The following SLC19A3 variants were observed in gnomAD, a reference collection of about 807,000 sequenced individuals.
SLC19A3 encodes the protein solute carrier family 19 member 3.
In SLC19A3, 31 loss-of-function variants were observed where a neutral mutation model predicts 40.2. The observed-to-expected ratio is 0.77, with a 90% CI of 0.58 to 1.04. SLC19A3 has a LOEUF of 1.04. Ranked by LOEUF, SLC19A3 falls within the 50% of genes least tolerant of loss-of-function variation. The pLI, the probability that SLC19A3 is intolerant of heterozygous loss-of-function variation, is 0.00. For synonymous variants in SLC19A3, 212 were observed against 227.5 expected, an observed-to-expected ratio of 0.93 and a Z score of 0.61; for missense variants, 592 against 596.7, an observed-to-expected ratio of 0.99 and a Z score of 0.08.
intron 1 of SLC19A3, chr2:227,706,197 A>G (rs1040266282): frequency 1.6e-6 from 1 of 621,132 alleles, no homozygotes; most frequent in Non-Finnish European, 2.3e-6. Flanking sequence ...TTTTCCATTT[A>G]TCATTCCATT....
chr2:227,714,642 T>C, intron 1 of SLC19A3: 1 of 978,444 alleles, frequency 1.0e-6, no homozygotes. Flanking sequence ...CATCCACTTC[T>C]GGTGGCTTTA....
At chr2:227,690,723 A>G (rs1181667074) in intron 4 of SLC19A3, among the ~76,000 whole-genome samples, 1 of 150,544 alleles carries the variant, frequency 6.6e-6, no homozygotes, top group East Asian at 1.9e-4. Flanking sequence ...AAAAAAAAAA[A>G]AAAAAAAAAA....
chr2:227,711,818 G>A (rs892594902), intron 1 of SLC19A3, among the ~76,000 whole-genome samples: 4 of 152,004 alleles, frequency 2.6e-5, no homozygotes, highest in Admixed American at 1.3e-4. Context: ...GGGAGGCCGA[G>A]GTAGGTGGAT....
In SLC19A3 at chr2:227,706,205, A is replaced by G. The variant is rs889361838; in HGVS notation, c.-2-3885T>C. 3 of 668,600 alleles carry G rather than the reference A, an allele frequency of 4.5e-6. No individual in the cohort carries two copies. The African/African-American group carries it at 5.6e-5, about 13-fold the overall frequency. The allele number at this position is 668,600 out of a possible 1,614,324, so 41.4% of individuals were successfully genotyped here. On this transcript the variant is annotated intron_variant, in intron 1 of 5. Transcript: ENST00000644224. The stretch of plus-strand genomic sequence containing the variant: ...TTGTCTTTTTTCCATTTATCATTCC[A>G]TTTTGATCCCGTCATATTATCCGCC...
rs1272375245 is a variant in SLC19A3 at position 227,702,249 on chromosome 2, A to T, written c.70T>A (p.Phe24Ile). The stretch of plus-strand genomic sequence containing the variant: ...TCTGAGGGTCTCATCATGGAGAAAA[A>T]ACCAAATAAGCAGAGGATCACAGTG... ...YPTVILCLFGFFSMMRPSEPF... is the reference protein window; with the variant it reads ...YPTVILCLFGIFSMMRPSEPF... Residue 24 changes from phenylalanine (F) to isoleucine (I), a missense_variant, in exon 2 of 6, where the codon TTT (phenylalanine) becomes ATT (isoleucine). Physicochemically the swap from Phe to Ile is conservative, Grantham distance 21. Transcript: ENST00000644224. 1 of 1,614,060 alleles carries T rather than the reference A, an allele frequency of 6.2e-7. No individual in the cohort carries two copies. The highest frequency in any genetic ancestry group is 1.1e-5 in the South Asian group (1 of 91,076).
Position 227,687,164 on chromosome 2 carries a change from C to T in SLC19A3, c.*233G>A, listed in dbSNP as rs1295364351. 2.3e-6 allele frequency: 1 copy of T among 431,008 alleles called. No individual in the cohort carries two copies. The highest frequency in any genetic ancestry group is 4.1e-6 in the Non-Finnish European group (1 of 243,548). 26.7% of individuals were successfully genotyped at this position (431,008 alleles called of 1,614,324 possible). The stretch of plus-strand genomic sequence containing the variant: ...CCAGCTGCTACTAGTCACAGGGGGT[C>T]CCCAATATGGGTTGTTTAATTATGA... On this transcript the variant is annotated 3_prime_UTR_variant, in exon 6 of 6. Coordinates refer to ENST00000644224, the MANE Select transcript of SLC19A3 (RefSeq NM_025243.4).
Position 227,702,290 on chromosome 2 carries a change from C to G in SLC19A3, c.29G>C (p.Ser10Thr). 6.2e-7 allele frequency: 1 copy of G among 1,614,010 alleles called. No individual in the cohort carries two copies. The highest frequency in any genetic ancestry group is 8.5e-7 in the Non-Finnish European group (1 of 1,180,002). Reference sequence around the variant, plus strand: ...GATCACAGTGGGGTAAATCCAGGAACTGCTTAGTGAAGTTCTGTAACAATC... The same window carrying G: ...GATCACAGTGGGGTAAATCCAGGAAGTGCTTAGTGAAGTTCTGTAACAATC... Reference protein sequence around the residue: MDCYRTSLSSSWIYPTVILC... With the variant: MDCYRTSLSTSWIYPTVILC... The change falls in exon 2 of 6, where the codon AGT becomes ACT. Residue 10 changes from serine to threonine, a missense_variant. Coordinates refer to ENST00000644224, the MANE Select transcript of SLC19A3 (RefSeq NM_025243.4).
chr2:227,713,604 G>C (rs1696222805), intron 1 of SLC19A3, among the ~76,000 whole-genome samples: 1 of 152,028 alleles, frequency 6.6e-6, no homozygotes, highest in African/African-American at 2.4e-5. Flanking sequence ...CTGACCATGT[G>C]ATACCTGCGC....
Position 227,699,234 on chromosome 2 carries a change from A to G in SLC19A3, c.481T>C (p.Leu161=), listed in dbSNP as rs375099581. 2.5e-5 allele frequency: 40 copies of G among 1,614,030 alleles called. No individual in the cohort carries two copies. Among genetic ancestry groups the G allele is most frequent in the Non-Finnish European group, 9.3e-6 (11 of 1,180,006 alleles). ...TACGACATGTTCGCCAGGGATACCA[A>G]GAGTTGAGCCAGCACCGACCCTGCT... ...YTAGSVLAQL[L]VSLANMSYFY... Residue 161 remains leucine (L), a synonymous_variant, in exon 3 of 6, where the codon TTG becomes CTG. Coordinates refer to ENST00000644224, the MANE Select transcript of SLC19A3 (RefSeq NM_025243.4).
At position 227,714,720 on chromosome 2, in the gene SLC19A3, A is replaced by G. The variant is rs1313353069; in HGVS notation, c.-3+3223T>C. 2.2e-4 allele frequency: 96 copies of G among 434,624 alleles called. 2 individuals are homozygous for G. The highest frequency in any genetic ancestry group is 2.8e-4 in the Non-Finnish European group (92 of 327,610). The allele number at this position is 434,624 out of a possible 1,614,324, so 26.9% of individuals were successfully genotyped here. A position where few individuals can be genotyped will look rare whatever the true frequency, so the allele number is the denominator to read the frequency against. ...ATCCCATCCAAAAAAAAAAAAAAAA[A>G]AAAGCAGACACCCAGATCCAGATCT... On this transcript the variant is annotated intron_variant, in intron 1 of 5. Coordinates refer to ENST00000644224, the MANE Select transcript of SLC19A3 (RefSeq NM_025243.4).
intron 4 of SLC19A3, 24 bp from the exon 5 acceptor site, chr2:227,688,331 T>C: frequency 6.2e-7 from 1 of 1,608,910 alleles, no homozygotes; most frequent in Admixed American, 1.7e-5. Context: ...TAAATAAGCA[T>C]TTTAACTATA....
chr2:227,709,719 G>T (rs1216629201), intron 1 of SLC19A3, among the ~76,000 whole-genome samples: 1 of 152,090 alleles, frequency 6.6e-6, no homozygotes, highest in Non-Finnish European at 1.5e-5. Context: ...CCTCAAACCT[G>T]ATAAGTTTCC....
In SLC19A3 at chr2:227,687,284, A is replaced by G; in HGVS notation, c.*113T>C. On this transcript the variant is annotated 3_prime_UTR_variant, in exon 6 of 6. Transcript: ENST00000644224. ...TTGTGGTTTTGAAAGGTCCATTGGAATCCAGATTTGCAAAGCATGTCAAGT... is the reference window on the plus strand; with the variant it reads ...TTGTGGTTTTGAAAGGTCCATTGGAGTCCAGATTTGCAAAGCATGTCAAGT... The G allele has an allele frequency of 8.8e-7, 1 of 1,132,206 alleles. No individual in the cohort carries two copies. Among genetic ancestry groups the G allele is most frequent in the Non-Finnish European group, 1.3e-6 (1 of 790,458 alleles). The allele number at this position is 1,132,206 out of a possible 1,614,324, so 70.1% of individuals were successfully genotyped here.
chr2:227,691,671 A>G (rs1414236289), intron 4 of SLC19A3, among the ~76,000 whole-genome samples: 1 of 152,212 alleles, frequency 6.6e-6, no homozygotes, highest in Non-Finnish European at 1.5e-5. Flanking sequence ...TGCGTCATAA[A>G]GAACTAGAAA....
chr2:227,703,323 G>T lies in SLC19A3; in HGVS notation c.-2-1003C>A, dbSNP rs1369307926. Reference sequence around the variant, plus strand: ...TGGGTGGAATTCCAGGTATCCAGTGGGTGGGGAGCTTTACTAGGGGTTGGG... The same window carrying T: ...TGGGTGGAATTCCAGGTATCCAGTGTGTGGGGAGCTTTACTAGGGGTTGGG... On this transcript the variant is annotated intron_variant, in intron 1 of 5. Coordinates refer to ENST00000644224, the MANE Select transcript of SLC19A3 (RefSeq NM_025243.4). This position sits in a 1 kb window ranked among gnomAD's most constrained non-coding sequence, Gnocchi z 4.7. Among the ~76,000 whole-genome samples the T allele has an allele frequency of 1.3e-5, 2 of 152,148 alleles. No homozygotes were observed. Among genetic ancestry groups the T allele is most frequent in the Admixed American group, 1.3e-4 (2 of 15,272 alleles).
intron 1 of SLC19A3, among the ~76,000 whole-genome samples, chr2:227,715,345 T>G (rs1480142802): frequency 6.6e-6 from 1 of 152,022 alleles, no homozygotes; most frequent in African/African-American, 2.4e-5. Flanking sequence ...TGGGCCAGAA[T>G]AGTTCTGTTG....
chr2:227,701,418 T>C (rs533474614), intron 2 of SLC19A3, among the ~76,000 whole-genome samples: 49 of 152,200 alleles, frequency 3.2e-4, no homozygotes, highest in Admixed American at 3.9e-4. Context: ...GGCCAGAAGT[T>C]CGAGACCAGC....
intron 4 of SLC19A3, among the ~76,000 whole-genome samples, chr2:227,688,981 C>T (rs938898278): frequency 6.6e-6 from 1 of 152,006 alleles, no homozygotes; most frequent in African/African-American, 2.4e-5. Context: ...ATGCAATTGA[C>T]ATACTGAGAA....
chr2:227,698,155 T>G (rs1695514132), intron 3 of SLC19A3, among the ~76,000 whole-genome samples: 1 of 152,058 alleles, frequency 6.6e-6, no homozygotes, highest in African/African-American at 2.4e-5. Flanking sequence ...ACTTTCATTC[T>G]TTTTATTTTT....
Sources: gnomAD v4.1 joint callset for allele counts (sites outside exome capture counted in the v4.1 genomes callset) on GRCh38, gnomAD v4.1.1 for gene constraint, Gnocchi (gnomAD v3.1) non-coding constraint, MANE v1.5 for transcripts, NCBI Gene and HGNC (gene_info 2026-07-23, HGNC 2026-07-21) for gene names.